The following CDH12 variants were observed in gnomAD, a reference collection of about 807,000 sequenced individuals.
CDH12 encodes cadherin 12.
In CDH12, 41 loss-of-function variants were observed where a neutral mutation model predicts 74.1. That is an observed-to-expected ratio of 0.55 (90% CI 0.43 to 0.72). CDH12 has a LOEUF of 0.72. Ranked by LOEUF, CDH12 falls within the 30% of genes least tolerant of loss-of-function variation. The pLI is 0.00. For synonymous variants in CDH12, 399 were observed against 355.0 expected, an observed-to-expected ratio of 1.12 and a Z score of -1.39; for missense variants, 945 against 977.2, an observed-to-expected ratio of 0.97 and a Z score of 0.44.
chr5:21,804,669 C>A (rs1216728046), intron 9 of CDH12, among the ~76,000 whole-genome samples: 12 of 151,394 alleles, frequency 7.9e-5, no homozygotes, highest in African/African-American at 2.4e-4. Flanking sequence ...CACACACACA[C>A]ACACACACAC....
At chr5:21,913,492 T>A (rs1753953610) in intron 6 of CDH12, among the ~76,000 whole-genome samples, 1 of 152,154 alleles carries the variant, frequency 6.6e-6, no homozygotes, top group African/African-American at 2.4e-5. Context: ...TCCGGGTGCT[T>A]AATTCACAAA....
At chr5:22,551,885 A>C (rs1348217231) in intron 1 of CDH12, among the ~76,000 whole-genome samples, 2 of 152,248 alleles carry the variant, frequency 1.3e-5, no homozygotes, top group Admixed American at 1.3e-4. Context: ...AATTATAGAC[A>C]TGATGGTTTT....
At chr5:22,838,008 C>T (rs564604834) in intron 1 of CDH12, among the ~76,000 whole-genome samples, 3 of 152,130 alleles carry the variant, frequency 2.0e-5, no homozygotes, top group Non-Finnish European at 4.4e-5. Flanking sequence ...AATTTCAGCA[C>T]AATTTGAAGG....
chr5:22,034,355 G>C (rs757935987), intron 5 of CDH12, among the ~76,000 whole-genome samples: 1 of 152,092 alleles, frequency 6.6e-6, no homozygotes, highest in Non-Finnish European at 1.5e-5. Context: ...GAAAATTGTT[G>C]AATAAAAGAT....
chr5:22,312,641 G>T (rs539399011), intron 3 of CDH12, among the ~76,000 whole-genome samples: 1 of 152,190 alleles, frequency 6.6e-6, no homozygotes, highest in African/African-American at 2.4e-5. Flanking sequence ...AAAGTTAAAA[G>T]AAAAAAGTTG....
chr5:22,215,215 C>T (rs1751757273), intron 3 of CDH12, among the ~76,000 whole-genome samples: 2 of 152,018 alleles, frequency 1.3e-5, no homozygotes, highest in Admixed American at 1.3e-4. Context: ...ACAGAAGAAA[C>T]CCACCACTAA....
chr5:22,184,564 G>A (rs1749823909), intron 4 of CDH12, among the ~76,000 whole-genome samples: 1 of 152,178 alleles, frequency 6.6e-6, no homozygotes, highest in Non-Finnish European at 1.5e-5. Context: ...AAGAATAACT[G>A]CCTTGATATA....
At position 21,939,206 on chromosome 5, in the gene CDH12, A is replaced by G. The variant is rs377381923; in HGVS notation, c.526+35885T>C. On this transcript the variant is annotated intron_variant, in intron 6 of 14. Coordinates refer to ENST00000382254, the MANE Select transcript of CDH12 (RefSeq NM_004061.5). ...ACTAAATTTTAAATGTAATATAAATATCATACCTTCTATATATATATATAA... is the reference window on the plus strand; with the variant it reads ...ACTAAATTTTAAATGTAATATAAATGTCATACCTTCTATATATATATATAA... Among the ~76,000 whole-genome samples, 30 of 150,466 alleles carry G rather than the reference A, an allele frequency of 2.0e-4. No homozygotes were observed. The South Asian group carries it at 5.2e-3, about 26-fold the overall frequency.
chr5:22,389,928 G>A (rs1663320), intron 3 of CDH12, among the ~76,000 whole-genome samples: 51,310 of 151,636 alleles, frequency 0.34, 10,120 homozygotes, highest in Admixed American at 0.46. Flanking sequence ...GATTACAGGC[G>A]TGAGCCACCG....
intron 1 of CDH12, among the ~76,000 whole-genome samples, chr5:22,679,325 T>C (rs991453908): frequency 6.6e-6 from 1 of 152,164 alleles, no homozygotes; most frequent in African/African-American, 2.4e-5. Flanking sequence ...AAAAGAGGAA[T>C]GTCACAGACA....
chr5:22,033,442 C>G (rs1738964161), intron 5 of CDH12, among the ~76,000 whole-genome samples: 1 of 152,142 alleles, frequency 6.6e-6, no homozygotes, highest in South Asian at 2.1e-4. Context: ...TAGTGTTATT[C>G]ATACCGGAAA....
intron 4 of CDH12, chr5:22,151,717 G>A (rs1164322065): frequency 6.6e-6 from 1 of 152,124 alleles, no homozygotes; most frequent in East Asian, 1.9e-4. Flanking sequence ...ATACAGAGAA[G>A]CAATGATTCA....
chr5:22,508,265 A>G (rs1478981901), intron 1 of CDH12, among the ~76,000 whole-genome samples: 1 of 152,142 alleles, frequency 6.6e-6, no homozygotes, highest in Non-Finnish European at 1.5e-5. Flanking sequence ...AGGGGTCTGG[A>G]GAGTCATCCC....
intron 1 of CDH12, among the ~76,000 whole-genome samples, chr5:22,627,503 T>G (rs1278334585): frequency 1.3e-5 from 2 of 151,286 alleles, no homozygotes; most frequent in Non-Finnish European, 2.9e-5. Flanking sequence ...CTAAGTTTTA[T>G]AAATGAAATA....
At chr5:22,766,079 T>C (rs1009907823) in intron 1 of CDH12, among the ~76,000 whole-genome samples, 2 of 151,912 alleles carry the variant, frequency 1.3e-5, no homozygotes, top group African/African-American at 2.4e-5. Context: ...GAGGATACAA[T>C]TTAACATCTA....
chr5:22,142,847 C>T, intron 4 of CDH12: 1 of 256,330 alleles, frequency 3.9e-6, no homozygotes, highest in South Asian at 6.4e-5. Flanking sequence ...CTTTCTTCTT[C>T]CTTCAGCACT....
chr5:22,313,770 A>C (rs1245198714), intron 3 of CDH12, among the ~76,000 whole-genome samples: 1 of 152,098 alleles, frequency 6.6e-6, no homozygotes, highest in African/African-American at 2.4e-5. Context: ...AAACGGAAGG[A>C]AGTTATGAGT....
At chr5:21,957,325 T>C (rs1216264006) in intron 6 of CDH12, among the ~76,000 whole-genome samples, 3 of 152,172 alleles carry the variant, frequency 2.0e-5, no homozygotes, top group Non-Finnish European at 4.4e-5. Flanking sequence ...TTGATGAGCA[T>C]TGAGGTGGAT....
chr5:22,069,513 A>C (rs1741794775), intron 5 of CDH12, among the ~76,000 whole-genome samples: 1 of 152,100 alleles, frequency 6.6e-6, no homozygotes, highest in South Asian at 2.1e-4. Flanking sequence ...ATATTAGCAA[A>C]AATTTTGCTT....
Sources: gnomAD v4.1 joint callset for allele counts (sites outside exome capture counted in the v4.1 genomes callset) on GRCh38, gnomAD v4.1.1 for gene constraint, MANE v1.5 for transcripts, NCBI Gene and HGNC (gene_info 2026-07-23, HGNC 2026-07-21) for gene names.